The following FRMD4A variants were observed in gnomAD, a reference collection of about 807,000 sequenced individuals.
The protein encoded by FRMD4A is FERM domain containing 4A, also known as FERM domain-containing protein 4A.
In FRMD4A, 29 loss-of-function variants were observed where a neutral mutation model predicts 129.1. The observed-to-expected ratio is 0.22, with a 90% CI of 0.17 to 0.31. FRMD4A has a LOEUF of 0.31. Ranked by LOEUF, FRMD4A falls within the 10% of genes least tolerant of loss-of-function variation. The pLI is 1.00. For synonymous variants in FRMD4A, 634 were observed against 571.6 expected (o/e 1.11, Z -1.56); for missense variants, 1,272 against 1,375.8 (o/e 0.92, Z 1.19).
intron 2 of FRMD4A, among the ~76,000 whole-genome samples, chr10:14,031,866 G>A (rs572127760): frequency 8.0e-5 from 12 of 149,600 alleles, no homozygotes; most frequent in Non-Finnish European, 1.5e-4. Flanking sequence ...ACCCAACTCT[G>A]ACTTAGATTT....
intron 2 of FRMD4A, among the ~76,000 whole-genome samples, chr10:14,024,990 A>G (rs1280559820): frequency 6.6e-6 from 1 of 152,256 alleles, no homozygotes; most frequent in East Asian, 1.9e-4. Context: ...ATTCACACAG[A>G]CACACCATCA....
chr10:14,170,997 C>T lies in FRMD4A; in HGVS notation c.45+159061G>A, dbSNP rs371396210. ...TTTGCAGCCACCATGAATCACAAGA[C>T]GCTGAATACGAGGGGAGTTTTTTTT... On this transcript the variant is annotated intron_variant, in intron 2 of 24. Coordinates refer to ENST00000357447, the MANE Select transcript of FRMD4A (RefSeq NM_018027.5). 1.2e-4 allele frequency among the ~76,000 whole-genome samples: 18 copies of T among 147,440 alleles called. No individual in the cohort carries two copies. The East Asian group carries it at 2.2e-3, about 18-fold the overall frequency.
chr10:13,963,340 A>G (rs1234114595), intron 2 of FRMD4A, among the ~76,000 whole-genome samples: 1 of 146,964 alleles, frequency 6.8e-6, no homozygotes, highest in Admixed American at 6.9e-5. Flanking sequence ...CCCACACCAT[A>G]TGTAGGCACT....
At chr10:14,090,608 G>T (rs550902323) in intron 2 of FRMD4A, among the ~76,000 whole-genome samples, 10 of 152,318 alleles carry the variant, frequency 6.6e-5, no homozygotes, top group Admixed American at 6.5e-4. Flanking sequence ...ATTGCCCAGA[G>T]AGTGGGGGTT....
At chr10:13,926,980 G>A (rs749317394) in intron 2 of FRMD4A, among the ~76,000 whole-genome samples, 1 of 152,158 alleles carries the variant, frequency 6.6e-6, no homozygotes. Context: ...GAGACCAGGT[G>A]TGGTGGCTCA....
At chr10:13,668,339 A>AC (rs1468452142) in intron 17 of FRMD4A, 1 of 152,240 alleles carries the variant, frequency 6.6e-6, no homozygotes, top group Non-Finnish European at 1.5e-5. Context: ...CTGAGCTGTT[A>AC]CAATGGCCCT....
intron 2 of FRMD4A, among the ~76,000 whole-genome samples, chr10:13,937,424 T>C (rs1052613463): frequency 6.6e-6 from 1 of 152,178 alleles, no homozygotes; most frequent in Non-Finnish European, 1.5e-5. Flanking sequence ...AAACTACAAC[T>C]CCCGTCACCA....
chr10:13,942,720 G>C (rs539180044), intron 2 of FRMD4A, among the ~76,000 whole-genome samples: 3 of 152,058 alleles, frequency 2.0e-5, no homozygotes, highest in Non-Finnish European at 4.4e-5. Context: ...AGATCACGAG[G>C]TCAAGAGACT....
chr10:14,044,122 T>C (rs1276251402), intron 2 of FRMD4A, among the ~76,000 whole-genome samples: 2 of 152,236 alleles, frequency 1.3e-5, no homozygotes, highest in Non-Finnish European at 2.9e-5. Context: ...AACCACTGTG[T>C]CCTGCCCTTT....
intron 2 of FRMD4A, among the ~76,000 whole-genome samples, chr10:14,141,372 T>C (rs11258894): frequency 0.48 from 72,343 of 151,974 alleles, 17,520 homozygotes; most frequent in East Asian, 0.62. Context: ...ACACAACCCC[T>C]TCACCATCTG....
At position 14,291,050 on chromosome 10, in the gene FRMD4A, A is replaced by G. The variant is rs530435020; in HGVS notation, c.45+39008T>C. On this transcript the variant is annotated intron_variant, in intron 2 of 24. Transcript: ENST00000357447. ...CCCAAACTGTGATATTTTTCACTCA[A>G]CCATTACTTCCTGAGAGTGATACTA... 6.6e-5 allele frequency among the ~76,000 whole-genome samples: 10 copies of G among 152,240 alleles called. No homozygotes were observed. In the South Asian group the frequency reaches 1.2e-3, roughly 19 times the overall value.
At chr10:14,185,750 C>A (rs1256546676) in intron 2 of FRMD4A, among the ~76,000 whole-genome samples, 1 of 152,174 alleles carries the variant, frequency 6.6e-6, no homozygotes, top group Admixed American at 6.5e-5. Flanking sequence ...AGCAGTAGAC[C>A]AGGCTAGTAC....
Position 13,965,065 on chromosome 10 carries a change from ATTTTT to A in FRMD4A, c.46-106158_46-106154del, listed in dbSNP as rs398012865. Among the ~76,000 whole-genome samples, 46 of 141,102 alleles carry A rather than the reference ATTTTT, an allele frequency of 3.3e-4. 1 individual carries two copies. In the East Asian group the frequency reaches 3.5e-3, roughly 11 times the overall value. 92.6% of individuals were successfully genotyped at this position (141,102 alleles called of 152,430 possible). On this transcript the variant is annotated intron_variant, in intron 2 of 24. Coordinates refer to ENST00000357447, the MANE Select transcript of FRMD4A (RefSeq NM_018027.5). Reference sequence around the variant, plus strand: ...GGTAACATTGGAATGACCACTGGGCATTTTTTTTTTTTTTTTGAATTCAGCTAAGG... The same window carrying A: ...GGTAACATTGGAATGACCACTGGGCATTTTTTTTTTTGAATTCAGCTAAGG...
intron 2 of FRMD4A, among the ~76,000 whole-genome samples, chr10:14,317,992 G>T (rs1846810916): frequency 6.6e-6 from 1 of 152,108 alleles, no homozygotes; most frequent in Non-Finnish European, 1.5e-5. Context: ...GGTGCTTCAT[G>T]CCCATGGGAT....
At chr10:13,998,185 T>C (rs905787482) in intron 2 of FRMD4A, among the ~76,000 whole-genome samples, 1 of 152,162 alleles carries the variant, frequency 6.6e-6, no homozygotes, top group African/African-American at 2.4e-5. Flanking sequence ...GATGTTATCA[T>C]ATAGTCCTCT....
At chr10:14,326,584 A>C (rs541362993) in intron 2 of FRMD4A, 1 of 358,670 alleles carries the variant, frequency 2.8e-6, no homozygotes, top group African/African-American at 2.1e-5. Context: ...ATTTCCATTA[A>C]AAACTATTTT....
chr10:14,322,326 A>AGGC (rs1422320253), intron 2 of FRMD4A, among the ~76,000 whole-genome samples: 1 of 152,116 alleles, frequency 6.6e-6, no homozygotes, highest in Non-Finnish European at 1.5e-5. Context: ...ACAAGCACAA[A>AGGC]GGCACCACCA....
intron 3 of FRMD4A, among the ~76,000 whole-genome samples, chr10:13,823,935 G>C (rs182960017): frequency 6.6e-6 from 1 of 152,034 alleles, no homozygotes; most frequent in South Asian, 2.1e-4. Flanking sequence ...GGTGTGGCTC[G>C]TATGACATCT....
At position 13,691,519 on chromosome 10, in the gene FRMD4A, C is replaced by T. The variant is rs73592205; in HGVS notation, c.1117+2379G>A. Among the ~76,000 whole-genome samples the T allele has an allele frequency of 6.0e-3, 920 of 152,280 alleles. 9 individuals carry two copies. Among genetic ancestry groups the T allele is most frequent in the African/African-American group, 0.021 (863 of 41,542 alleles). On this transcript the variant is annotated intron_variant, in intron 15 of 24. Transcript: ENST00000357447. ...ACCCACCCCAAGCTTGTCTCTTCCT[C>T]AGCAACAAGAGAGTCTCCCCAATTA... is the stretch of plus-strand genomic sequence containing the variant.
Sources: allele counts gnomAD v4.1 joint callset (sites outside exome capture counted in the v4.1 genomes callset), GRCh38; gene constraint gnomAD v4.1.1; transcripts MANE v1.5; gene names NCBI Gene and HGNC (gene_info 2026-07-23, HGNC 2026-07-21).